SIPA1L2: variants seen among roughly 807,000 people sequenced by gnomAD.
SIPA1L2 encodes the protein signal induced proliferation associated 1 like 2.
In SIPA1L2, 56 loss-of-function variants were observed where a neutral mutation model predicts 163.9. The ratio of observed to expected loss-of-function variants is 0.34; its 90% CI spans 0.28 to 0.43. The LOEUF is 0.43. SIPA1L2 is among the 20% of genes least tolerant of loss of function. The pLI is 1.00. For missense variants in SIPA1L2, 1,974 were observed against 2,193.5 expected (o/e 0.90, Z 2.00); for synonymous variants, 877 against 865.7 (o/e 1.01, Z -0.23).
At chr1:232,427,917 T>C (rs1661996344) in intron 17 of SIPA1L2, among the ~76,000 whole-genome samples, 1 of 152,208 alleles carries the variant, frequency 6.6e-6, no homozygotes, top group Non-Finnish European at 1.5e-5. Flanking sequence ...GAGAGACAGC[T>C]TGGAGCAGAG....
intron 1 of SIPA1L2, among the ~76,000 whole-genome samples, chr1:232,605,562 C>T (rs1315233715): frequency 2.0e-5 from 3 of 152,072 alleles, no homozygotes; most frequent in South Asian, 2.1e-4. Flanking sequence ...GGCATGGTGG[C>T]GGGTGCCTGT....
At chr1:232,584,918 T>G (rs1319259265) in intron 1 of SIPA1L2, among the ~76,000 whole-genome samples, 1 of 152,244 alleles carries the variant, frequency 6.6e-6, no homozygotes, top group African/African-American at 2.4e-5. Context: ...ATAACTATGT[T>G]GCCATCCATA....
intron 2 of SIPA1L2, among the ~76,000 whole-genome samples, chr1:232,533,658 CAAGG>C (rs903986559): frequency 6.6e-6 from 1 of 152,180 alleles, no homozygotes; most frequent in African/African-American, 2.4e-5. Flanking sequence ...TACAGATGTC[CAAGG>C]AAGGCAGAAG....
intron 1 of SIPA1L2, among the ~76,000 whole-genome samples, chr1:232,618,653 C>CAAAA (rs56213704): frequency 8.3e-6 from 1 of 119,998 alleles, no homozygotes. Context: ...GACTCCATCT[C>CAAAA]AAAAAAAAAA....
intron 1 of SIPA1L2, among the ~76,000 whole-genome samples, chr1:232,580,477 C>G (rs1660317213): frequency 6.6e-6 from 1 of 152,124 alleles, no homozygotes; most frequent in African/African-American, 2.4e-5. Context: ...TTACTCAGCC[C>G]CTGTTCAAGA....
intron 1 of SIPA1L2, among the ~76,000 whole-genome samples, chr1:232,625,634 T>C (rs1025251958): frequency 5.3e-5 from 8 of 152,166 alleles, no homozygotes; most frequent in African/African-American, 1.7e-4. Context: ...ACACTCCTGC[T>C]GTACTCTACA....
intron 10 of SIPA1L2, among the ~76,000 whole-genome samples, chr1:232,450,135 T>C (rs560800899): frequency 6.6e-6 from 1 of 152,324 alleles, no homozygotes; most frequent in African/African-American, 2.4e-5. Flanking sequence ...TTAGTTCTTA[T>C]CCTTTATTTT....
At chr1:232,453,317 C>T (rs1371628739) in intron 10 of SIPA1L2, among the ~76,000 whole-genome samples, 1 of 151,904 alleles carries the variant, frequency 6.6e-6, no homozygotes, top group Non-Finnish European at 1.5e-5. Context: ...ATATTCTTAT[C>T]AAAAAAAGAG....
chr1:232,449,763 G>A (rs183328953), intron 10 of SIPA1L2, among the ~76,000 whole-genome samples: 1 of 152,198 alleles, frequency 6.6e-6, no homozygotes, highest in Admixed American at 6.5e-5. Flanking sequence ...TCAGACTCCT[G>A]GGTTAAGGAA....
At chr1:232,551,500 T>A (rs1658377939) in intron 2 of SIPA1L2, among the ~76,000 whole-genome samples, 1 of 152,186 alleles carries the variant, frequency 6.6e-6, no homozygotes, top group Admixed American at 6.5e-5. Context: ...GAAAAATTTT[T>A]AAAAAATGAA....
At chr1:232,485,445 G>C (rs1052468406) in intron 5 of SIPA1L2, among the ~76,000 whole-genome samples, 36 of 152,170 alleles carry the variant, frequency 2.4e-4, no homozygotes, top group African/African-American at 8.7e-4. Context: ...TATTCACCCA[G>C]AGATTGAGGA....
At chr1:232,507,236 G>C (rs1666772165) in intron 3 of SIPA1L2, among the ~76,000 whole-genome samples, 1 of 151,296 alleles carries the variant, frequency 6.6e-6, no homozygotes, top group Non-Finnish European at 1.5e-5. Flanking sequence ...TTGGGTACCA[G>C]TCAGGGATTT....
chr1:232,597,484 T>C lies in SIPA1L2; in HGVS notation c.-318-23262A>G, dbSNP rs1299541547. Among the ~76,000 whole-genome samples, 5 of 148,956 alleles carry C rather than the reference T, an allele frequency of 3.4e-5. No individual in the cohort carries two copies. In the East Asian group the frequency reaches 6.0e-4, roughly 18 times the overall value. ...CAAGGTCAGGAGATCGAGACCATCCTGGCTAACACGGTGAAACCCCGTCTC... is the reference window on the plus strand; with the variant it reads ...CAAGGTCAGGAGATCGAGACCATCCCGGCTAACACGGTGAAACCCCGTCTC... On this transcript the variant is annotated intron_variant, in intron 1 of 22. Transcript: ENST00000674635.
intron 3 of SIPA1L2, among the ~76,000 whole-genome samples, chr1:232,506,264 G>C (rs1392222924): frequency 6.6e-6 from 1 of 152,160 alleles, no homozygotes; most frequent in Admixed American, 6.5e-5. Flanking sequence ...AAGTAACCCT[G>C]GGAAGCAGGG....
chr1:232,482,186 C>T (rs1041992715), intron 6 of SIPA1L2, among the ~76,000 whole-genome samples: 2 of 152,134 alleles, frequency 1.3e-5, no homozygotes, highest in African/African-American at 2.4e-5. Context: ...AGGATAAGGC[C>T]TCTGTCATCA....
In SIPA1L2 at chr1:232,522,761, A is replaced by C. The variant is rs569740399; in HGVS notation, c.-269-7153T>G. Among the ~76,000 whole-genome samples, 38 of 152,348 alleles carry C rather than the reference A, an allele frequency of 2.5e-4. No homozygotes were observed. The East Asian group carries it at 3.7e-3, about 15-fold the overall frequency. On this transcript the variant is annotated intron_variant, in intron 2 of 22. Transcript: ENST00000674635. ...TTATTCTAAAGATTCAATGGGATCTAAAGCCGTGAAATAGCTGAAAATGTA... is the reference window on the plus strand; with the variant it reads ...TTATTCTAAAGATTCAATGGGATCTCAAGCCGTGAAATAGCTGAAAATGTA...
chr1:232,518,259 G>A (rs1667299929), intron 2 of SIPA1L2, among the ~76,000 whole-genome samples: 1 of 152,152 alleles, frequency 6.6e-6, no homozygotes, highest in African/African-American at 2.4e-5. Context: ...GACAGCTACT[G>A]ATTTTTCCTA....
chr1:232,521,118 C>G (rs1467502477), intron 2 of SIPA1L2, among the ~76,000 whole-genome samples: 2 of 151,934 alleles, frequency 1.3e-5, no homozygotes, highest in Non-Finnish European at 2.9e-5. Context: ...TGGGGTGGTA[C>G]CAGAGATAAA....
chr1:232,611,202 C>G (rs777440086), intron 1 of SIPA1L2, among the ~76,000 whole-genome samples: 2 of 152,308 alleles, frequency 1.3e-5, no homozygotes, highest in Admixed American at 1.3e-4. Flanking sequence ...TGAGGCCTCC[C>G]CAGCCATGTG....
Sources: gnomAD v4.1 joint callset for allele counts (sites outside exome capture counted in the v4.1 genomes callset) on GRCh38, gnomAD v4.1.1 for gene constraint, MANE v1.5 for transcripts, NCBI Gene and HGNC (gene_info 2026-07-23, HGNC 2026-07-21) for gene names.